Variants in RBFOX3 observed in about 807,000 individuals in gnomAD.
RBFOX3 encodes the protein RNA binding fox-1 homolog 3, also known as RNA binding protein fox-1 homolog 3.
A neutral mutation model predicts 48.7 loss-of-function variants in RBFOX3; 17 were observed. The observed-to-expected ratio is 0.35, with a 90% CI of 0.24 to 0.52. The LOEUF (loss-of-function observed/expected upper bound fraction) is 0.52. Among genes scored for constraint, RBFOX3 ranks in the 20% least tolerant of loss-of-function variants. The pLI, the probability that RBFOX3 is intolerant of heterozygous loss-of-function variation, is 0.94. For synonymous variants in RBFOX3, 212 were observed against 209.5 expected, an observed-to-expected ratio of 1.01 and a Z score of -0.10; for missense variants, 382 against 497.5, an observed-to-expected ratio of 0.77 and a Z score of 2.21.
At chr17:79,445,783 C>T (rs927648455) in intron 2 of RBFOX3, among the ~76,000 whole-genome samples, 1 of 152,232 alleles carries the variant, frequency 6.6e-6, no homozygotes, top group African/African-American at 2.4e-5. Flanking sequence ...CTAGAACCTT[C>T]TGATTCAGCC....
intron 4 of RBFOX3, among the ~76,000 whole-genome samples, chr17:79,156,255 C>T (rs970984800): frequency 1.6e-4 from 24 of 152,206 alleles, no homozygotes; most frequent in African/African-American, 5.5e-4. Context: ...CTCTGCTGTC[C>T]AGGACTCAGG....
chr17:79,649,905 G>A, the RBFOX3 span, among the ~76,000 whole-genome samples: 2 of 151,916 alleles, frequency 1.3e-5, no homozygotes, highest in African/African-American at 2.4e-5. Context: ...GGAGGGAGGC[G>A]CTACCCACTT....
the RBFOX3 span, among the ~76,000 whole-genome samples, chr17:79,640,889 G>T: frequency 2.6e-5 from 4 of 152,082 alleles, no homozygotes; most frequent in East Asian, 7.7e-4. Context: ...CTTAACATTG[G>T]TCTGGCCAAT....
At chr17:79,241,093 A>G (rs561593984) in intron 3 of RBFOX3, among the ~76,000 whole-genome samples, 6 of 152,128 alleles carry the variant, frequency 3.9e-5, no homozygotes, top group South Asian at 2.1e-4. Context: ...TTCCCACCTT[A>G]GCCTCCCAAG....
At chr17:79,645,781 TGAGCCCTCACCTGACAGAAGAG>T in the RBFOX3 span, among the ~76,000 whole-genome samples, 2 of 152,136 alleles carry the variant, frequency 1.3e-5, no homozygotes, top group African/African-American at 2.4e-5. Flanking sequence ...TAGCCTGCAA[TGAGCCCTCACCTGACAGAAGAG>T]GAGCCCTCAC....
chr17:79,096,193 T>G (rs2075212555), intron 12 of RBFOX3, among the ~76,000 whole-genome samples: 1 of 152,112 alleles, frequency 6.6e-6, no homozygotes, highest in African/African-American at 2.4e-5. Context: ...AAGCAGCACA[T>G]GTGGCCCCAT....
At chr17:79,448,642 G>T (rs1460295429) in intron 2 of RBFOX3, among the ~76,000 whole-genome samples, 2 of 152,170 alleles carry the variant, frequency 1.3e-5, no homozygotes, top group Admixed American at 6.5e-5. Context: ...CTCCAGAAAT[G>T]CAAGACTTCA....
At chr17:79,639,165 T>A in the RBFOX3 span, among the ~76,000 whole-genome samples, 65 of 152,128 alleles carry the variant, frequency 4.3e-4, no homozygotes, top group East Asian at 0.011. Context: ...TTATTTATTT[T>A]TTTATTTTTT....
chr17:79,497,187 C>T (rs1315529827), intron 1 of RBFOX3, among the ~76,000 whole-genome samples: 1 of 152,170 alleles, frequency 6.6e-6, no homozygotes, highest in Non-Finnish European at 1.5e-5. Flanking sequence ...TTCCTGGGAG[C>T]TGGGAAAGCT....
At chr17:79,417,223 T>C (rs1555719606) in intron 2 of RBFOX3, among the ~76,000 whole-genome samples, 2 of 152,180 alleles carry the variant, frequency 1.3e-5, no homozygotes, top group African/African-American at 2.4e-5. Context: ...AAGCTTCTCC[T>C]TGCTCCCCGT....
At chr17:79,164,621 C>T (rs552224037) in intron 4 of RBFOX3, among the ~76,000 whole-genome samples, 7 of 152,192 alleles carry the variant, frequency 4.6e-5, no homozygotes, top group Admixed American at 6.5e-5. Flanking sequence ...CACAGCACGG[C>T]GGAGCAAAAC....
intron 1 of RBFOX3, among the ~76,000 whole-genome samples, chr17:79,553,503 CT>C (rs2091341661): frequency 1.3e-5 from 2 of 152,078 alleles, no homozygotes; most frequent in African/African-American, 4.8e-5. Flanking sequence ...ACTTTTTCTT[CT>C]TTATCTTTGC....
At chr17:79,603,345 C>T (rs1405515631) in intron 1 of RBFOX3, among the ~76,000 whole-genome samples, 1 of 152,148 alleles carries the variant, frequency 6.6e-6, no homozygotes, top group Non-Finnish European at 1.5e-5. Flanking sequence ...GGAGAGCACA[C>T]CGGGCCCATT....
intron 4 of RBFOX3, among the ~76,000 whole-genome samples, chr17:79,171,747 C>G (rs2049346355): frequency 6.8e-6 from 1 of 146,056 alleles, no homozygotes; most frequent in Admixed American, 6.7e-5. Context: ...CATGTGTGAG[C>G]TCAAACTCTT....
In RBFOX3 at chr17:79,243,446, A is replaced by T. The variant is rs544444240; in HGVS notation, c.-73-7641T>A. On this transcript the variant is annotated intron_variant, in intron 3 of 14. Coordinates refer to ENST00000693108, the MANE Select transcript of RBFOX3 (RefSeq NM_001350451.2). The surrounding 1 kb of genome is among the most constrained non-coding windows in gnomAD (Gnocchi z 7.9). ...CCTTCTGTGACCAGTTGACTCTTCCAGCTGTGCTGGGCTTTGCAAAGCCCA... is the reference window on the plus strand; with the variant it reads ...CCTTCTGTGACCAGTTGACTCTTCCTGCTGTGCTGGGCTTTGCAAAGCCCA... Among the ~76,000 whole-genome samples the T allele has an allele frequency of 6.6e-6, 1 of 152,270 alleles. No individual in the cohort carries two copies. Among genetic ancestry groups the T allele is most frequent in the Non-Finnish European group, 1.5e-5 (1 of 68,026 alleles).
At chr17:79,485,114 C>G (rs1233280491) in intron 1 of RBFOX3, among the ~76,000 whole-genome samples, 1 of 152,018 alleles carries the variant, frequency 6.6e-6, no homozygotes, top group Non-Finnish European at 1.5e-5. Context: ...AGAGGCTGCC[C>G]AGGGCCTGGG....
At chr17:79,398,754 C>T (rs1463585634) in intron 2 of RBFOX3, among the ~76,000 whole-genome samples, 1 of 152,210 alleles carries the variant, frequency 6.6e-6, no homozygotes, top group Non-Finnish European at 1.5e-5. Context: ...TGGCCATCTA[C>T]GTGATGTTTA....
At position 79,420,737 on chromosome 17, in the gene RBFOX3, C is replaced by T. The variant is rs533552358; in HGVS notation, c.-175+61717G>A. On this transcript the variant is annotated intron_variant, in intron 2 of 14. Coordinates refer to ENST00000693108, the MANE Select transcript of RBFOX3 (RefSeq NM_001350451.2). ...GAGGCCTTGCTGTGAGGAATCTCAC[C>T]CCTGCCACAGGAGGGTCAGGCCTCT... is the stretch of plus-strand genomic sequence containing the variant. Among the ~76,000 whole-genome samples the T allele has an allele frequency of 1.2e-4, 18 of 152,340 alleles. No individual in the cohort carries two copies. The South Asian group carries it at 3.1e-3, about 26-fold the overall frequency.
At chr17:79,280,151 GCA>G (rs10650243) in intron 3 of RBFOX3, among the ~76,000 whole-genome samples, 47 of 149,914 alleles carry the variant, frequency 3.1e-4, no homozygotes, top group Non-Finnish European at 3.4e-4. Flanking sequence ...ACATGTGCGT[GCA>G]CACACACACG....
Sources: gnomAD v4.1 joint callset for allele counts (sites outside exome capture counted in the v4.1 genomes callset) on GRCh38, gnomAD v4.1.1 for gene constraint, Gnocchi (gnomAD v3.1) non-coding constraint, MANE v1.5 for transcripts, NCBI Gene and HGNC (gene_info 2026-07-23, HGNC 2026-07-21) for gene names.